Variants in MGA observed in about 807,000 individuals in gnomAD.
MGA encodes MAX dimerization protein MGA.
Under a neutral mutation model 261.1 loss-of-function variants are expected in MGA, and 40 were observed. The observed-to-expected ratio is 0.15, with a 90% CI of 0.12 to 0.20. The LOEUF is 0.20. Ranked by LOEUF, MGA falls within the 10% of genes least tolerant of loss-of-function variation. The probability of loss-of-function intolerance (pLI) is 1.00; values close to 1 mark genes in which losing one functional copy is unlikely to be tolerated. For synonymous variants in MGA, 1,302 were observed against 1,290.6 expected, an observed-to-expected ratio of 1.01 and a Z score of -0.19; for missense variants, 3,397 against 3,630.5, an observed-to-expected ratio of 0.94 and a Z score of 1.65.
Position 41,761,791 on chromosome 15 carries a change from A to G in MGA, c.7451A>G (p.Gln2484Arg), listed in dbSNP as rs749262399. 13 of 1,600,840 alleles carry G rather than the reference A, an allele frequency of 8.1e-6. No homozygotes were observed. The highest frequency in any genetic ancestry group is 1.1e-5 in the Non-Finnish European group (13 of 1,173,212). ...GATCAGGCAGACAAATTGATAGGACAGAAAAATCTCCTGACTCGAAAACGG... is the reference window on the plus strand; with the variant it reads ...GATCAGGCAGACAAATTGATAGGACGGAAAAATCTCCTGACTCGAAAACGG... The change falls in exon 21 of 24, where the codon CAG becomes CGG. Residue 2484 changes from glutamine to arginine, a missense_variant. By Grantham distance (43) the Gln-to-Arg change is conservative. Transcript: ENST00000219905.
At chr15:41,667,824 G>A (rs897308526) in intron 1 of MGA, among the ~76,000 whole-genome samples, 1 of 151,964 alleles carries the variant, frequency 6.6e-6, no homozygotes, top group Non-Finnish European at 1.5e-5. Context: ...ATTTCTTTGA[G>A]ACGGAGTCTT....
intron 18 of MGA, among the ~76,000 whole-genome samples, chr15:41,756,731 A>G (rs566196531): frequency 6.6e-6 from 1 of 152,254 alleles, no homozygotes; most frequent in Admixed American, 6.5e-5. Flanking sequence ...GTATCAACAT[A>G]TCTCAGGTGT....
chr15:41,735,598 G>A (rs553660767), intron 12 of MGA, among the ~76,000 whole-genome samples: 2 of 152,168 alleles, frequency 1.3e-5, no homozygotes, highest in African/African-American at 2.4e-5. Context: ...TTAACTGGGC[G>A]TGGTGGCACG....
chr15:41,631,591 A>G (rs1343397361), intron 1 of MGA, among the ~76,000 whole-genome samples: 1 of 152,206 alleles, frequency 6.6e-6, no homozygotes, highest in Non-Finnish European at 1.5e-5. Context: ...TGACAGAGGC[A>G]CACTTTCTTT....
At chr15:41,673,750 T>A (rs1260745339) in intron 2 of MGA, among the ~76,000 whole-genome samples, 1 of 149,686 alleles carries the variant, frequency 6.7e-6, no homozygotes, top group African/African-American at 2.5e-5. Flanking sequence ...ACCATGTTGG[T>A]CAGACTGGTC....
Position 41,750,143 on chromosome 15 carries a change from A to G in MGA, c.6536A>G (p.Lys2179Arg), listed in dbSNP as rs1260052985. The G allele has an allele frequency of 6.2e-6, 10 of 1,613,950 alleles. No individual in the cohort carries two copies. In the African/African-American group the frequency reaches 1.2e-4, roughly 19 times the overall value. The change falls in exon 17 of 24, where the codon AAG becomes AGG. Residue 2179 changes from lysine to arginine, a missense_variant. Coordinates refer to ENST00000219905, the MANE Select transcript of MGA (RefSeq NM_001164273.2). The stretch of plus-strand genomic sequence containing the variant: ...AGGGAAAGATGGAGAAAACATCTGA[A>G]GGGCCCCTTAACCAGGAAATGTGTT...
chr15:41,741,792 G>A (rs1171620765), intron 14 of MGA, among the ~76,000 whole-genome samples: 1 of 151,970 alleles, frequency 6.6e-6, no homozygotes, highest in Admixed American at 6.6e-5. Context: ...TTTCACTGCA[G>A]CATCCACCTC....
chr15:41,736,584 G>A lies in MGA; in HGVS notation c.4320G>A (p.Val1440=). ...TGCAGACAGATGCCCTGGATTCAGT[G>A]AGGGAGAGATTACATGGAGGCAAAG... The change falls in exon 13 of 24, where the codon GTG becomes GTA. Residue 1440 remains valine (V), a synonymous_variant. Transcript: ENST00000219905. 1 of 1,614,036 alleles carries A rather than the reference G, an allele frequency of 6.2e-7. No homozygotes were observed. The highest frequency in any genetic ancestry group is 1.1e-5 in the South Asian group (1 of 91,084).
chr15:41,656,371 T>TCTCTCTCCTCTCTCTCTCTCTCTCTC, upstream of MGA, among the ~76,000 whole-genome samples: 1 of 137,730 alleles, frequency 7.3e-6, no homozygotes, highest in Non-Finnish European at 1.6e-5. Context: ...TCTCTCTCTC[T>TCTCTCTCCTCTCTCTCTCTCTCTCTC]CTCTCTCACA....
chr15:41,625,115 T>C (rs1416260514), intron 1 of MGA, among the ~76,000 whole-genome samples: 1 of 151,948 alleles, frequency 6.6e-6, no homozygotes, highest in Non-Finnish European at 1.5e-5. Flanking sequence ...GCACTCCAGA[T>C]TGGCCAACAG....
intron 1 of MGA, among the ~76,000 whole-genome samples, chr15:41,643,263 C>G (rs559789243): frequency 1.4e-5 from 2 of 142,460 alleles, no homozygotes; most frequent in African/African-American, 2.6e-5. Context: ...TTTTTTGAGA[C>G]GGAGTCTCAC....
At position 41,713,216 on chromosome 15, in the gene MGA, C is replaced by T; in HGVS notation, c.3150C>T (p.Asp1050=). 6.2e-7 allele frequency: 1 copy of T among 1,614,030 alleles called. No homozygotes were observed. The highest frequency in any genetic ancestry group is 8.5e-7 in the Non-Finnish European group (1 of 1,179,908). ...AACGAGCCCCTCCCTGCAACAATGA[C>T]TTCTGTCGACTGGGTTGTGTATGTT... is the stretch of plus-strand genomic sequence containing the variant. The change falls in exon 9 of 24, where the codon GAC becomes GAT. Residue 1050 remains aspartate (D), a synonymous_variant. Coordinates refer to ENST00000219905, the MANE Select transcript of MGA (RefSeq NM_001164273.2).
At chr15:41,656,607 C>T (rs867987581), upstream of MGA, among the ~76,000 whole-genome samples, 2 of 151,814 alleles carry the variant, frequency 1.3e-5, no homozygotes, top group African/African-American at 2.4e-5. Context: ...CAGTCCGTCC[C>T]ACCTCAGCCT....
intron 1 of MGA, among the ~76,000 whole-genome samples, 182 bp from the exon 2 acceptor site, chr15:41,668,646 T>C (rs2057895377): frequency 6.6e-6 from 1 of 152,202 alleles, no homozygotes; most frequent in South Asian, 2.1e-4. Flanking sequence ...AAAAAATGAT[T>C]AGATATTCCA....
At chr15:41,762,461 G>GTGTTTTTTTT (rs2063523391) in intron 22 of MGA, 99 bp downstream of exon 22, 1 of 125,094 alleles carries the variant, frequency 8.0e-6, no homozygotes, top group Non-Finnish European at 1.4e-5. Flanking sequence ...GTTTTGTGTG[G>GTGTTTTTTTT]TTTTTTTTTT....
chr15:41,714,177 C>T (rs924569641), intron 9 of MGA, among the ~76,000 whole-genome samples: 4 of 152,126 alleles, frequency 2.6e-5, no homozygotes, highest in African/African-American at 9.7e-5. Flanking sequence ...TTTATGTTTA[C>T]ACTTCCTGTT....
intron 1 of MGA, among the ~76,000 whole-genome samples, chr15:41,646,571 C>G (rs545204073): frequency 1.6e-4 from 25 of 152,078 alleles, no homozygotes; most frequent in African/African-American, 6.0e-4. Flanking sequence ...GATCCACCCA[C>G]CTTGGCCTCC....
chr15:41,728,068 G>T (rs995809070), intron 10 of MGA, among the ~76,000 whole-genome samples: 2 of 152,252 alleles, frequency 1.3e-5, no homozygotes, highest in Middle Eastern at 6.8e-3. Context: ...GGTGGCTCAC[G>T]CTTGTAATCC....
intron 8 of MGA, among the ~76,000 whole-genome samples, chr15:41,712,147 T>G (rs1363210739): frequency 1.3e-5 from 2 of 152,222 alleles, no homozygotes; most frequent in African/African-American, 2.4e-5. Flanking sequence ...TGGCAAGGGT[T>G]GCAGGAAGGA....
Sources: gnomAD v4.1 joint callset for allele counts (sites outside exome capture counted in the v4.1 genomes callset) on GRCh38, gnomAD v4.1.1 for gene constraint, MANE v1.5 for transcripts, NCBI Gene and HGNC (gene_info 2026-07-23, HGNC 2026-07-21) for gene names.